CCDC170: variants seen among roughly 807,000 people sequenced by gnomAD.
CCDC170 encodes coiled-coil domain containing 170.
In CCDC170, 69 loss-of-function variants were observed where a neutral mutation model predicts 72.6. That is an observed-to-expected ratio of 0.95 (90% CI 0.78 to 1.16). The LOEUF is 1.16. Ranked by LOEUF, CCDC170 falls within the 50% of genes most tolerant of loss-of-function variation. CCDC170 has a pLI of 0.00. For synonymous variants in CCDC170, 300 were observed against 303.9 expected (o/e 0.99, Z 0.13); for missense variants, 852 against 832.5 (o/e 1.02, Z -0.29).
At chr6:151,562,440 C>T (rs774348482) in intron 5 of CCDC170, among the ~76,000 whole-genome samples, 18 of 151,948 alleles carry the variant, frequency 1.2e-4, no homozygotes, top group South Asian at 2.1e-4. Context: ...TATGTGTGAT[C>T]GTTTGGCTTC....
intron 1 of CCDC170, among the ~76,000 whole-genome samples, chr6:151,533,052 CTTTTTTT>C (rs58383930): frequency 1.7e-5 from 2 of 118,004 alleles, no homozygotes; most frequent in Non-Finnish European, 3.5e-5. Context: ...GACTATTTCT[CTTTTTTT>C]TTTTTTTTTT....
chr6:151,588,103 C>G (rs539299407), intron 7 of CCDC170, among the ~76,000 whole-genome samples: 2 of 152,216 alleles, frequency 1.3e-5, no homozygotes, highest in South Asian at 4.2e-4. Context: ...ATGGGTCAGT[C>G]TAATGACTCA....
chr6:151,613,174 C>T (rs368750990), intron 9 of CCDC170, among the ~76,000 whole-genome samples: 20 of 152,078 alleles, frequency 1.3e-4, no homozygotes, highest in Admixed American at 2.6e-4. Context: ...GAGGCTGAGG[C>T]GAGAGGATCA....
At chr6:151,553,392 C>A (rs540613727) in intron 5 of CCDC170, among the ~76,000 whole-genome samples, 1 of 151,990 alleles carries the variant, frequency 6.6e-6, no homozygotes, top group Non-Finnish European at 1.5e-5. Context: ...AGTGGAACAA[C>A]AATAATAAAT....
intron 5 of CCDC170, among the ~76,000 whole-genome samples, chr6:151,568,900 C>T (rs1460268538): frequency 2.6e-5 from 4 of 152,162 alleles, no homozygotes; most frequent in Non-Finnish European, 5.9e-5. Context: ...ACATATTCCT[C>T]ATTTTCTATA....
At chr6:151,513,006 A>G (rs553887033) in intron 1 of CCDC170, among the ~76,000 whole-genome samples, 16 of 152,160 alleles carry the variant, frequency 1.1e-4, no homozygotes, top group Non-Finnish European at 2.1e-4. Flanking sequence ...AACAATTTTT[A>G]TTTCCTTTGA....
intron 1 of CCDC170, among the ~76,000 whole-genome samples, chr6:151,526,516 G>A (rs1389439336): frequency 1.5e-5 from 2 of 136,152 alleles, no homozygotes; most frequent in Non-Finnish European, 3.1e-5. Context: ...CACCCCGCCT[G>A]GCCTTTTTTT....
In CCDC170 at chr6:151,618,193, T is replaced by A. The variant is rs375257646; in HGVS notation, c.*46T>A. ...GGTGGCCATAAGACATGGCACACAA[T>A]TCCCAATTTCACAAATTCCTCATGT... is the stretch of plus-strand genomic sequence containing the variant. On this transcript the variant is annotated 3_prime_UTR_variant, in exon 11 of 11. Transcript: ENST00000239374. The A allele has an allele frequency of 3.3e-6, 5 of 1,493,184 alleles. No individual in the cohort carries two copies. Among genetic ancestry groups the A allele is most frequent in the Non-Finnish European group, 4.6e-6 (5 of 1,079,692 alleles). The allele number at this position is 1,493,184 out of a possible 1,614,324, so 92.5% of individuals were successfully genotyped here.
At chr6:151,500,554 G>C (rs1781980381) in intron 1 of CCDC170, among the ~76,000 whole-genome samples, 1 of 150,348 alleles carries the variant, frequency 6.7e-6, no homozygotes, top group African/African-American at 2.5e-5. Flanking sequence ...TAAACAAAAA[G>C]ATATGGGAAG....
chr6:151,553,394 A>G (rs1445442650), intron 5 of CCDC170, among the ~76,000 whole-genome samples: 1 of 152,220 alleles, frequency 6.6e-6, no homozygotes, highest in African/African-American at 2.4e-5. Context: ...TGGAACAACA[A>G]TAATAAATAG....
In CCDC170 at chr6:151,585,990, G is replaced by C. The variant is rs367555056; in HGVS notation, c.1194G>C (p.Glu398Asp). The C allele has an allele frequency of 6.2e-7, 1 of 1,614,184 alleles. No individual in the cohort carries two copies. Among genetic ancestry groups the C allele is most frequent in the African/African-American group, 1.3e-5 (1 of 75,064 alleles). ...QKALQRAQKA[E>D]NMLETLQGQL... Reference sequence around the variant, plus strand: ...CTCTCCAGAGGGCCCAGAAAGCAGAGAATATGTTGGAGACTCTTCAGGGTC... The same window carrying C: ...CTCTCCAGAGGGCCCAGAAAGCAGACAATATGTTGGAGACTCTTCAGGGTC... The change falls in exon 7 of 11, where the codon GAG becomes GAC. Residue 398 changes from glutamate (E) to aspartate (D), a missense_variant. Glu to Asp is a conservative substitution (Grantham distance 45). Transcript: ENST00000239374.
At chr6:151,523,685 CAA>C (rs11353679) in intron 1 of CCDC170, among the ~76,000 whole-genome samples, 9,457 of 115,476 alleles carry the variant, frequency 0.082, 481 homozygotes, top group East Asian at 0.29. Flanking sequence ...GACTCTGTCT[CAA>C]AAAAAAAAAA....
At chr6:151,563,799 G>A (rs888096395) in intron 5 of CCDC170, among the ~76,000 whole-genome samples, 1 of 152,148 alleles carries the variant, frequency 6.6e-6, no homozygotes, top group African/African-American at 2.4e-5. Flanking sequence ...AGGTGAGTGG[G>A]GCAGAGAAGC....
chr6:151,501,761 T>C (rs1238104741), intron 1 of CCDC170, among the ~76,000 whole-genome samples: 3 of 152,220 alleles, frequency 2.0e-5, no homozygotes. Flanking sequence ...TTTCAAACAA[T>C]AGTGAATACT....
chr6:151,520,146 T>C (rs1782296482), intron 1 of CCDC170, among the ~76,000 whole-genome samples: 1 of 152,258 alleles, frequency 6.6e-6, no homozygotes, highest in Non-Finnish European at 1.5e-5. Flanking sequence ...AAGTATTGCA[T>C]GTTTACATTG....
At chr6:151,531,517 T>C (rs1782489994) in intron 1 of CCDC170, among the ~76,000 whole-genome samples, 2 of 152,148 alleles carry the variant, frequency 1.3e-5, no homozygotes, top group African/African-American at 4.8e-5. Context: ...GGCAGGAGGA[T>C]CAACTGAACC....
chr6:151,568,498 T>C (rs1429113981), intron 5 of CCDC170, among the ~76,000 whole-genome samples: 1 of 152,222 alleles, frequency 6.6e-6, no homozygotes, highest in Non-Finnish European at 1.5e-5. Flanking sequence ...ACACTTTAAA[T>C]GGACTAAAAT....
At chr6:151,600,023 A>C (rs920702208) in intron 9 of CCDC170, among the ~76,000 whole-genome samples, 1 of 152,184 alleles carries the variant, frequency 6.6e-6, no homozygotes, top group Non-Finnish European at 1.5e-5. Context: ...TGACTGACTC[A>C]AGAATTACTC....
At chr6:151,555,271 C>A (rs1308394147) in intron 5 of CCDC170, among the ~76,000 whole-genome samples, 1 of 152,062 alleles carries the variant, frequency 6.6e-6, no homozygotes, top group African/African-American at 2.4e-5. Context: ...ACATAAAATA[C>A]TTAGGACGTG....
Sources: allele counts gnomAD v4.1 joint callset (sites outside exome capture counted in the v4.1 genomes callset), GRCh38; gene constraint gnomAD v4.1.1; transcripts MANE v1.5; gene names NCBI Gene and HGNC (gene_info 2026-07-23, HGNC 2026-07-21).